Variants in ABCB9 observed in about 807,000 individuals in gnomAD.
The protein encoded by ABCB9 is ATP binding cassette subfamily B member 9.
ABCB9 carries 36 observed loss-of-function variants against 62.0 expected under a neutral mutation model. The observed-to-expected ratio is 0.58, with a 90% CI of 0.45 to 0.77. ABCB9 has a LOEUF of 0.77. Among genes scored for constraint, ABCB9 ranks in the 30% least tolerant of loss-of-function variants. The pLI is 0.00. For synonymous variants in ABCB9, 435 were observed against 461.4 expected, an observed-to-expected ratio of 0.94 and a Z score of 0.73; for missense variants, 943 against 1,054.7, an observed-to-expected ratio of 0.89 and a Z score of 1.47.
intron 1 of ABCB9, among the ~76,000 whole-genome samples, chr12:122,973,578 GAAAAAAAAAAAAAA>G (rs57853191): frequency 4.2e-4 from 21 of 50,340 alleles, no homozygotes; most frequent in East Asian, 2.8e-3. Flanking sequence ...CTCAAAAAAA[GAAAAAAAAAAAAAA>G]AAAAAAAAAA....
chr12:122,952,664 T>C (rs1040283266), intron 2 of ABCB9: 1 of 152,202 alleles, frequency 6.6e-6, no homozygotes, highest in Non-Finnish European at 1.5e-5. Flanking sequence ...TTCTGGAATA[T>C]CTGATTCCAG....
In ABCB9 at chr12:122,945,894, A is replaced by G. The variant is rs2036017334; in HGVS notation, c.1251+131T>C. 8 of 947,850 alleles carry G rather than the reference A, an allele frequency of 8.4e-6. No homozygotes were observed. The South Asian group carries it at 8.7e-5, about 10-fold the overall frequency. 58.7% of individuals were successfully genotyped at this position (947,850 alleles called of 1,614,324 possible). On this transcript the variant is annotated intron_variant, in intron 6 of 11. Coordinates refer to ENST00000280560, the MANE Select transcript of ABCB9 (RefSeq NM_019625.4). ...CTCTGTCTCAAAAAAAAAAAAAAAA[A>G]AAAAGAAAGACAGACAGATTCTCCA... is the stretch of plus-strand genomic sequence containing the variant.
At position 122,930,872 on chromosome 12, in the gene ABCB9, CTG is replaced by C. The variant is rs1026428369; in HGVS notation, c.2041-703_2041-702del. Among the ~76,000 whole-genome samples, 6 of 152,146 alleles carry C rather than the reference CTG, an allele frequency of 3.9e-5. No individual in the cohort carries two copies. Among genetic ancestry groups the C allele is most frequent in the Admixed American group, 6.6e-5 (1 of 15,254 alleles). ...ACAAATGAATCAATCCGCGCATAGA[CTG>C]AGGTTGCTAGCCATCTGCAAATACA... On this transcript the variant is annotated intron_variant, in intron 11 of 11. Coordinates refer to ENST00000280560, the MANE Select transcript of ABCB9 (RefSeq NM_019625.4). This position sits in a 1 kb window ranked among gnomAD's most constrained non-coding sequence, Gnocchi z 4.9.
intron 10 of ABCB9, among the ~76,000 whole-genome samples, 171 bp downstream of exon 10, chr12:122,935,101 G>T (rs1263907622): frequency 1.3e-5 from 2 of 152,116 alleles, no homozygotes; most frequent in Non-Finnish European, 2.9e-5. Context: ...TTTGGGGATT[G>T]CAGGAAGATT....
chr12:122,964,625 T>C lies in ABCB9; in HGVS notation c.-88+1662A>G, dbSNP rs2135929600. Among the ~76,000 whole-genome samples the C allele has an allele frequency of 7.2e-5, 11 of 152,346 alleles. 3 individuals are homozygous for C. The South Asian group carries it at 2.3e-3, about 32-fold the overall frequency. On this transcript the variant is annotated intron_variant, in intron 1 of 11. Transcript: ENST00000280560. This position sits in a 1 kb window ranked among gnomAD's most constrained non-coding sequence, Gnocchi z 4.7. ...AGCGTGACCACCAGCCAAGGCTGCT[T>C]AGAGGCCTGTCACCGCTCTCCAACT...
chr12:122,934,174 G>C (rs1237620640), intron 10 of ABCB9, among the ~76,000 whole-genome samples: 1 of 152,148 alleles, frequency 6.6e-6, no homozygotes, highest in East Asian at 1.9e-4. Context: ...CTTGAACCTG[G>C]GAGACGGAGG....
In ABCB9 at chr12:122,932,046, A is replaced by C; in HGVS notation, c.2040+146T>G. The C allele has an allele frequency of 3.5e-6, 5 of 1,420,056 alleles. No homozygotes were observed. The highest frequency in any genetic ancestry group is 4.8e-6 in the Non-Finnish European group (5 of 1,046,444). 88.0% of individuals were successfully genotyped at this position (1,420,056 alleles called of 1,614,324 possible). A position where few individuals can be genotyped will look rare whatever the true frequency, so the allele number is the denominator to read the frequency against. On this transcript the variant is annotated intron_variant, in intron 11 of 11. Coordinates refer to ENST00000280560, the MANE Select transcript of ABCB9 (RefSeq NM_019625.4). The surrounding 1 kb of genome is among the most constrained non-coding windows in gnomAD (Gnocchi z 4.7). ...TGGCTCCTGGCTCCCCACTCTCAAC[A>C]CCAGGAATTCACCAGCCCAGGAGGC...
At chr12:122,935,210 AG>A in intron 10 of ABCB9, 61 bp downstream of exon 10, 1 of 1,493,612 alleles carries the variant, frequency 6.7e-7, no homozygotes, top group Admixed American at 2.3e-5. Flanking sequence ...CTTAACTCAG[AG>A]GGTTATGTCC....
chr12:122,952,587 C>T (rs1436870126), intron 2 of ABCB9: 1 of 152,256 alleles, frequency 6.6e-6, no homozygotes, highest in African/African-American at 2.4e-5. Flanking sequence ...GAGTTCCACC[C>T]AGCCTGAGTT....
chr12:122,920,472 G>A (rs1361253656), downstream of ABCB9, among the ~76,000 whole-genome samples: 1 of 152,110 alleles, frequency 6.6e-6, no homozygotes, highest in South Asian at 2.1e-4. Context: ...GTCAGGGTTC[G>A]GGCTGCCTGT....
chr12:122,944,276 TAGAG>T lies in ABCB9; in HGVS notation c.1380+111_1380+114del. 1 of 1,443,866 alleles carries T rather than the reference TAGAG, an allele frequency of 6.9e-7. No homozygotes were observed. Among genetic ancestry groups the T allele is most frequent in the Non-Finnish European group, 9.3e-7 (1 of 1,072,362 alleles). 89.4% of individuals were successfully genotyped at this position (1,443,866 alleles called of 1,614,324 possible). A position where few individuals can be genotyped will look rare whatever the true frequency, so the allele number is the denominator to read the frequency against. ...ATCATGCTGTCTCCCCTACTTACCT[TAGAG>T]AGAAATACCACATTGTCAGAGTCCC... On this transcript the variant is annotated intron_variant, in intron 7 of 11. Transcript: ENST00000280560. This position sits in a 1 kb window ranked among gnomAD's most constrained non-coding sequence, Gnocchi z 4.9.
intron 9 of ABCB9, among the ~76,000 whole-genome samples, 186 bp from the exon 10 acceptor site, chr12:122,935,617 C>G (rs1217587206): frequency 6.6e-6 from 1 of 152,182 alleles, no homozygotes; most frequent in Non-Finnish European, 1.5e-5. Context: ...TACCCACAAG[C>G]CCTCAGCCTC....
At chr12:122,936,346 T>C (rs2035460807) in intron 9 of ABCB9, among the ~76,000 whole-genome samples, 1 of 152,200 alleles carries the variant, frequency 6.6e-6, no homozygotes, top group African/African-American at 2.4e-5. Flanking sequence ...CTCCATGTGG[T>C]GGAATTCAAA....
Position 122,940,416 on chromosome 12 carries a change from G to A in ABCB9, c.1570-132C>T. ...CCTCTCCCTCGCTTGGGCACTGCTG[G>A]CCCCTAAACGTTCTTTCTAAGACAC... On this transcript the variant is annotated intron_variant, in intron 8 of 11. Transcript: ENST00000280560. The surrounding 1 kb of genome is among the most constrained non-coding windows in gnomAD (Gnocchi z 4.8). 1 of 1,041,858 alleles carries A rather than the reference G, an allele frequency of 9.6e-7. No homozygotes were observed. The highest frequency in any genetic ancestry group is 1.7e-5 in the South Asian group (1 of 57,954). 64.5% of individuals were successfully genotyped at this position (1,041,858 alleles called of 1,614,324 possible).
Position 122,935,312 on chromosome 12 carries a change from G to C in ABCB9, c.1863C>G (p.Ala621=), listed in dbSNP as rs759608941. Residue 621 remains alanine, a synonymous_variant, in exon 10 of 12, where the codon GCC becomes GCG. Transcript: ENST00000280560. ...CCTGGAGTTCCATGATGAAGCCGTG[G>C]GCATTGGCCTTCTGTGCGGCCTCCA... is the stretch of plus-strand genomic sequence containing the variant. ...MVVEAAQKAN[A]HGFIMELQDG... is the part of the protein sequence containing the mutation. The C allele has an allele frequency of 6.2e-6, 10 of 1,613,402 alleles. No homozygotes were observed. The highest frequency in any genetic ancestry group is 8.5e-6 in the Non-Finnish European group (10 of 1,179,798).
intron 10 of ABCB9, among the ~76,000 whole-genome samples, chr12:122,933,112 C>A (rs964174684): frequency 6.6e-6 from 1 of 152,160 alleles, no homozygotes; most frequent in African/African-American, 2.4e-5. Context: ...AAGCTGTTCT[C>A]AAACCCCTGG....
chr12:122,956,884 C>T (rs1227097342), intron 2 of ABCB9, among the ~76,000 whole-genome samples: 4 of 152,176 alleles, frequency 2.6e-5, no homozygotes, highest in Non-Finnish European at 5.9e-5. Context: ...TCTCAAACTC[C>T]TGACCTCAAG....
intron 4 of ABCB9, 125 bp downstream of exon 4, chr12:122,949,663 T>C: frequency 4.6e-6 from 6 of 1,300,568 alleles, no homozygotes; most frequent in Non-Finnish European, 6.4e-6. Context: ...CAGCCTGAAC[T>C]AACAGCAGGA....
chr12:122,958,403 T>G (rs146807433), intron 2 of ABCB9, among the ~76,000 whole-genome samples: 6 of 152,234 alleles, frequency 3.9e-5, no homozygotes, highest in Non-Finnish European at 7.4e-5. Context: ...TGCATGTTCT[T>G]TTGATGTGCT....
Sources: allele counts gnomAD v4.1 joint callset (sites outside exome capture counted in the v4.1 genomes callset), GRCh38; gene constraint gnomAD v4.1.1; non-coding constraint Gnocchi (gnomAD v3.1); transcripts MANE v1.5; gene names NCBI Gene and HGNC (gene_info 2026-07-23, HGNC 2026-07-21).